Variants in ULK4 observed in about 807,000 individuals in gnomAD.
ULK4 encodes the protein inactive serine/threonine-protein kinase ULK4.
A neutral mutation model predicts 160.6 loss-of-function variants in ULK4; 133 were observed. The observed-to-expected ratio is 0.83, with a 90% CI of 0.72 to 0.96. The LOEUF is 0.96. ULK4 is among the 40% of genes least tolerant of loss of function. The pLI, the probability that ULK4 is intolerant of heterozygous loss-of-function variation, is 0.00. For synonymous variants in ULK4, 534 were observed against 539.8 expected (o/e 0.99, Z 0.15); for missense variants, 1,580 against 1,499.5 (o/e 1.05, Z -0.89).
At chr3:41,799,235 G>A (rs2040387721) in intron 20 of ULK4, among the ~76,000 whole-genome samples, 1 of 152,064 alleles carries the variant, frequency 6.6e-6, no homozygotes, top group African/African-American at 2.4e-5. Flanking sequence ...ACTCAAAGGG[G>A]TATTTAAATA....
At position 41,737,472 on chromosome 3, in the gene ULK4, T is replaced by A. The variant is rs935805894; in HGVS notation, c.2321+16889A>T. Among the ~76,000 whole-genome samples, 5 of 151,824 alleles carry A rather than the reference T, an allele frequency of 3.3e-5. 1 individual carries two copies. The highest frequency in any genetic ancestry group is 2.6e-4 in the Admixed American group (4 of 15,258). Reference sequence around the variant, plus strand: ...ATTTATAGATTCAATGCCATCCCCATCAAGCCACAAATGACTTTCTTCACA... The same window carrying A: ...ATTTATAGATTCAATGCCATCCCCAACAAGCCACAAATGACTTTCTTCACA... On this transcript the variant is annotated intron_variant, in intron 22 of 36. Coordinates refer to ENST00000301831, the MANE Select transcript of ULK4 (RefSeq NM_017886.4).
chr3:41,351,597 C>A (rs997979603), intron 35 of ULK4, among the ~76,000 whole-genome samples: 2 of 152,176 alleles, frequency 1.3e-5, no homozygotes, highest in Admixed American at 6.5e-5. Flanking sequence ...TGTAGCACTC[C>A]ACCCCTGGCC....
intron 17 of ULK4, among the ~76,000 whole-genome samples, chr3:41,861,416 A>G (rs1218275570): frequency 6.6e-6 from 1 of 152,152 alleles, no homozygotes; most frequent in East Asian, 1.9e-4. Context: ...CACCAGATAT[A>G]CCCTTCTAGG....
chr3:41,709,497 T>C (rs6763508), intron 25 of ULK4, among the ~76,000 whole-genome samples: 45,007 of 151,834 alleles, frequency 0.3, 9,274 homozygotes, highest in African/African-American at 0.59. Context: ...AGAGATTTGC[T>C]TGCCTCAGCC....
intron 35 of ULK4, among the ~76,000 whole-genome samples, chr3:41,353,837 A>C (rs888864247): frequency 6.6e-6 from 1 of 152,068 alleles, no homozygotes. Context: ...AAATAATGCT[A>C]GATGAAGTAA....
chr3:41,593,924 C>T (rs1413500378), intron 31 of ULK4, among the ~76,000 whole-genome samples: 1 of 150,646 alleles, frequency 6.6e-6, no homozygotes, highest in Non-Finnish European at 1.5e-5. Flanking sequence ...TCCCAGCTAC[C>T]GGGGTTGGGG....
intron 27 of ULK4, among the ~76,000 whole-genome samples, chr3:41,686,482 ATG>A (rs147288763): frequency 0.038 from 5,814 of 151,866 alleles, 342 homozygotes; most frequent in African/African-American, 0.13. Context: ...TGGGTCTTTT[ATG>A]TGTGTGTGTG....
intron 14 of ULK4, 63 bp from the exon 15 acceptor site, chr3:41,897,066 C>T: frequency 7.0e-7 from 1 of 1,422,056 alleles, no homozygotes; most frequent in Non-Finnish European, 9.6e-7. Flanking sequence ...GGAAACATTA[C>T]ATAAGAAATA....
intron 22 of ULK4, among the ~76,000 whole-genome samples, chr3:41,746,496 A>T (rs1330463535): frequency 6.6e-6 from 1 of 151,492 alleles, no homozygotes; most frequent in Non-Finnish European, 1.5e-5. Context: ...AAGGTTAAAA[A>T]AAAAAAACTA....
At chr3:41,385,700 G>A (rs750006726) in intron 35 of ULK4, among the ~76,000 whole-genome samples, 13 of 152,198 alleles carry the variant, frequency 8.5e-5, no homozygotes, top group Middle Eastern at 6.8e-3. Context: ...ATGCTACACC[G>A]TGAAACTTTA....
At chr3:41,873,557 T>C (rs1217996050) in intron 17 of ULK4, among the ~76,000 whole-genome samples, 1 of 152,134 alleles carries the variant, frequency 6.6e-6, no homozygotes, top group African/African-American at 2.4e-5. Context: ...TGTGTTTGTT[T>C]TGTTTTTTGT....
chr3:41,521,100 G>A (rs1415041177), intron 32 of ULK4, among the ~76,000 whole-genome samples: 2 of 152,212 alleles, frequency 1.3e-5, no homozygotes, highest in Admixed American at 1.3e-4. Flanking sequence ...TGAAATGGAA[G>A]AAGCCAGATA....
chr3:41,688,785 A>G (rs2036185131), intron 27 of ULK4, among the ~76,000 whole-genome samples: 1 of 152,114 alleles, frequency 6.6e-6, no homozygotes, highest in South Asian at 2.1e-4. Context: ...GCCAACTCTG[A>G]GTTTCTACCT....
At chr3:41,517,160 A>C (rs1258051076) in intron 32 of ULK4, among the ~76,000 whole-genome samples, 6 of 152,222 alleles carry the variant, frequency 3.9e-5, no homozygotes, top group Non-Finnish European at 8.8e-5. Flanking sequence ...TACAAATTAA[A>C]AGAATGAGAT....
intron 30 of ULK4, among the ~76,000 whole-genome samples, chr3:41,641,164 A>C (rs2034172882): frequency 6.6e-6 from 1 of 152,156 alleles, no homozygotes; most frequent in Non-Finnish European, 1.5e-5. Flanking sequence ...AATACGCAAT[A>C]TCCATTGTCA....
intron 31 of ULK4, among the ~76,000 whole-genome samples, chr3:41,568,521 T>C (rs2087862565): frequency 6.6e-6 from 1 of 152,224 alleles, no homozygotes; most frequent in Non-Finnish European, 1.5e-5. Context: ...TGTCTACCCA[T>C]TTTATTCCAA....
At chr3:41,957,448 CAAA>C (rs11455719) in intron 1 of ULK4, among the ~76,000 whole-genome samples, 11 of 97,248 alleles carry the variant, frequency 1.1e-4, no homozygotes, top group Non-Finnish European at 1.7e-4. Context: ...GAGCACCACT[CAAA>C]AAAAAAAAAA....
intron 12 of ULK4, among the ~76,000 whole-genome samples, chr3:41,906,865 C>T (rs371878793): frequency 2.1e-4 from 32 of 152,082 alleles, no homozygotes; most frequent in South Asian, 8.3e-4. Flanking sequence ...TGGTGACGCA[C>T]GACTGTAGTC....
intron 31 of ULK4, among the ~76,000 whole-genome samples, chr3:41,571,271 T>A (rs570309999): frequency 3.9e-5 from 6 of 152,274 alleles, no homozygotes; most frequent in African/African-American, 1.2e-4. Context: ...GATGATGACA[T>A]GGTTCTCTAG....
Sources: gnomAD v4.1 joint callset for allele counts (sites outside exome capture counted in the v4.1 genomes callset) on GRCh38, gnomAD v4.1.1 for gene constraint, MANE v1.5 for transcripts, NCBI Gene and HGNC (gene_info 2026-07-23, HGNC 2026-07-21) for gene names.